Variants in DNAH11 observed in about 807,000 individuals in gnomAD.
DNAH11 encodes the protein axonemal beta dynein heavy chain 11.
In DNAH11, 442 loss-of-function variants were observed where a neutral mutation model predicts 526.0. The ratio of observed to expected loss-of-function variants is 0.84; its 90% CI spans 0.78 to 0.91. The LOEUF is 0.91. DNAH11 is among the 40% of genes least tolerant of loss of function. DNAH11 has a pLI of 0.00. For synonymous variants in DNAH11, 2,461 were observed against 1,935.9 expected (o/e 1.27, Z -7.12); for missense variants, 6,989 against 5,448.7 (o/e 1.28, Z -8.90).
chr7:21,578,856 G>T (rs569652650), intron 8 of DNAH11, among the ~76,000 whole-genome samples: 23 of 152,202 alleles, frequency 1.5e-4, no homozygotes, highest in African/African-American at 5.3e-4. Flanking sequence ...ATCACATTCA[G>T]ATCTAAACCC....
At chr7:21,872,138 A>AAAAAAAAAACAAACAAAC (rs1554291078) in intron 73 of DNAH11, among the ~76,000 whole-genome samples, 4 of 128,914 alleles carry the variant, frequency 3.1e-5, no homozygotes, top group Non-Finnish European at 4.8e-5. Context: ...AAAAAAAAAA[A>AAAAAAAAAACAAACAAAC]AAAAAAAAAA....
At chr7:21,791,358 G>A (rs1008500392) in intron 61 of DNAH11, among the ~76,000 whole-genome samples, 2 of 152,218 alleles carry the variant, frequency 1.3e-5, no homozygotes, top group Non-Finnish European at 2.9e-5. Context: ...GCACTCAGGT[G>A]AGGCTTTTAG....
At chr7:21,664,919 A>G (rs375556928) in intron 30 of DNAH11, among the ~76,000 whole-genome samples, 11 of 152,196 alleles carry the variant, frequency 7.2e-5, no homozygotes, top group African/African-American at 2.2e-4. Context: ...AAATGGGAAC[A>G]TTTCTGTCCC....
intron 72 of DNAH11, among the ~76,000 whole-genome samples, chr7:21,868,301 C>CA (rs1783364743): frequency 6.6e-6 from 1 of 151,988 alleles, no homozygotes; most frequent in Non-Finnish European, 1.5e-5. Flanking sequence ...ATCTTGTGCC[C>CA]CCTGTGACTA....
chr7:21,561,693 G>A (rs1440795437), intron 5 of DNAH11, among the ~76,000 whole-genome samples: 1 of 152,108 alleles, frequency 6.6e-6, no homozygotes, highest in Non-Finnish European at 1.5e-5. Flanking sequence ...ATATCCAGTC[G>A]AAAGTCTTCT....
intron 73 of DNAH11, among the ~76,000 whole-genome samples, chr7:21,870,581 C>T (rs1783459823): frequency 6.6e-6 from 1 of 152,188 alleles, no homozygotes. Flanking sequence ...CATTCTCATG[C>T]TCCCAGTGGC....
Position 21,687,090 on chromosome 7 carries a change from T to A in DNAH11, c.5622-9T>A. 6.2e-7 allele frequency: 1 copy of A among 1,604,300 alleles called. No homozygotes were observed. The highest frequency in any genetic ancestry group is 8.5e-7 in the Non-Finnish European group (1 of 1,176,184). On this transcript the variant is annotated splice_polypyrimidine_tract_variant and intron_variant, in intron 32 of 81. Transcript: ENST00000409508. ...AGACTGTGATGTTTGTGTTTTCTAT[T>A]GCTTAAAGGTGTTATATTACCTTAA...
At chr7:21,887,957 G>A (rs1784188734) in intron 76 of DNAH11, among the ~76,000 whole-genome samples, 1 of 152,090 alleles carries the variant, frequency 6.6e-6, no homozygotes, top group Admixed American at 6.5e-5. Flanking sequence ...CTGGAGTGCT[G>A]AGCTGTTTGC....
At chr7:21,598,102 C>T (rs1784933699) in intron 14 of DNAH11, among the ~76,000 whole-genome samples, 1 of 152,200 alleles carries the variant, frequency 6.6e-6, no homozygotes, top group Non-Finnish European at 1.5e-5. Flanking sequence ...TACAACATAA[C>T]ACCTTTGCAT....
intron 56 of DNAH11, among the ~76,000 whole-genome samples, chr7:21,775,508 C>G (rs1478127679): frequency 2.0e-5 from 3 of 151,766 alleles, no homozygotes; most frequent in African/African-American, 7.3e-5. Flanking sequence ...GACCCAGCCA[C>G]TTGAAAGGCT....
intron 48 of DNAH11, among the ~76,000 whole-genome samples, 189 bp downstream of exon 48, chr7:21,739,862 T>TTA (rs1464073589): frequency 6.6e-6 from 1 of 152,224 alleles, no homozygotes; most frequent in Non-Finnish European, 1.5e-5. Flanking sequence ...ACTTTATTTT[T>TTA]TATATCAAAG....
At chr7:21,750,647 A>T (rs1012413160) in intron 54 of DNAH11, among the ~76,000 whole-genome samples, 1 of 152,294 alleles carries the variant, frequency 6.6e-6, no homozygotes, top group African/African-American at 2.4e-5. Context: ...AGACATCACA[A>T]ATAATTATCA....
At chr7:21,830,523 G>A (rs538369958) in intron 65 of DNAH11, among the ~76,000 whole-genome samples, 3 of 152,316 alleles carry the variant, frequency 2.0e-5, no homozygotes, top group Non-Finnish European at 4.4e-5. Flanking sequence ...CAGGTTGACA[G>A]AGGCTGACAT....
chr7:21,720,912 A>G (rs977202708), intron 44 of DNAH11, 56 bp downstream of exon 44: 5 of 1,584,588 alleles, frequency 3.2e-6, no homozygotes, highest in African/African-American at 1.4e-5. Context: ...GGACAGGGTC[A>G]TGGGGAGGTT....
rs72658811 is a variant in DNAH11 at position 21,866,632 on chromosome 7, A to T, written c.11659A>T (p.Met3887Leu). 7 of 1,613,750 alleles carry T rather than the reference A, an allele frequency of 4.3e-6. No homozygotes were observed. Among genetic ancestry groups the T allele is most frequent in the Non-Finnish European group, 5.9e-6 (7 of 1,179,754 alleles). Residue 3887 changes from methionine to leucine, a missense_variant, in exon 71 of 82, where the codon ATG becomes TTG. By Grantham distance (15) the Met-to-Leu change is conservative (BLOSUM62 2). Transcript: ENST00000409508. ...LIQKLILLRA[M>L]RPDRMTYALR... ...ACAGAAGCTGATTCTTCTGAGAGCA[A>T]TGCGCCCTGACAGAATGACGTATGC...
chr7:21,858,665 A>C (rs1782946573), intron 68 of DNAH11, among the ~76,000 whole-genome samples: 1 of 152,216 alleles, frequency 6.6e-6, no homozygotes, highest in South Asian at 2.1e-4. Context: ...AGAAAAGGCA[A>C]AATTATTCTA....
intron 28 of DNAH11, among the ~76,000 whole-genome samples, chr7:21,652,484 T>G (rs1781823528): frequency 6.6e-6 from 1 of 152,222 alleles, no homozygotes; most frequent in Admixed American, 6.5e-5. Context: ...TAACTTAAGT[T>G]TTCTGCAACG....
At chr7:21,553,069 G>GTTTTTTTT (rs1783080507) in intron 2 of DNAH11, among the ~76,000 whole-genome samples, 8 of 108,366 alleles carry the variant, frequency 7.4e-5, no homozygotes, top group African/African-American at 3.9e-4. Context: ...GTATAAATGG[G>GTTTTTTTT]ATTTTTTTTT....
chr7:21,867,038 T>A (rs1033856221), intron 71 of DNAH11, among the ~76,000 whole-genome samples: 1 of 152,210 alleles, frequency 6.6e-6, no homozygotes, highest in Non-Finnish European at 1.5e-5. Flanking sequence ...TTCTGAAGAT[T>A]TTGCATGTCA....
Sources: allele counts gnomAD v4.1 joint callset (sites outside exome capture counted in the v4.1 genomes callset), GRCh38; gene constraint gnomAD v4.1.1; transcripts MANE v1.5; gene names NCBI Gene and HGNC (gene_info 2026-07-23, HGNC 2026-07-21).